FETUB: variants seen among roughly 807,000 people sequenced by gnomAD.
FETUB encodes the protein fetuin-B.
A neutral mutation model predicts 30.9 loss-of-function variants in FETUB; 28 were observed. The observed-to-expected ratio is 0.90, with a 90% CI of 0.67 to 1.24. FETUB has a LOEUF of 1.24. Among genes scored for constraint, FETUB ranks in the 50% most tolerant of loss-of-function variants. The pLI, the probability that FETUB is intolerant of heterozygous loss-of-function variation, is 0.00. For missense variants in FETUB, 469 were observed against 455.3 expected, an observed-to-expected ratio of 1.03 and a Z score of -0.27; for synonymous variants, 186 against 175.9, an observed-to-expected ratio of 1.06 and a Z score of -0.45.
intron 3 of FETUB, among the ~76,000 whole-genome samples, chr3:186,643,230 C>T (rs1423601475): frequency 6.6e-6 from 1 of 152,158 alleles, no homozygotes; most frequent in African/African-American, 2.4e-5. Flanking sequence ...CCTCAGTTCC[C>T]ACCAAGTAGA....
intron 1 of FETUB, 140 bp from the exon 2 acceptor site, chr3:186,640,890 C>G: frequency 1.5e-6 from 1 of 674,732 alleles, no homozygotes; most frequent in Non-Finnish European, 2.6e-6. Flanking sequence ...TACTCTGACA[C>G]TTGTGTCAGA....
Position 186,650,180 on chromosome 3 carries a change from G to C in FETUB, c.697-1038G>C, listed in dbSNP as rs897067871. Reference sequence around the variant, plus strand: ...CTTTGTTGGCGGGGGTGGGGGGGGGGGGTAAATCACCAGCTGTGGGATTGC... The same window carrying C: ...CTTTGTTGGCGGGGGTGGGGGGGGGCGGTAAATCACCAGCTGTGGGATTGC... On this transcript the variant is annotated intron_variant, in intron 5 of 6. Transcript: ENST00000265029. 1.7e-3 allele frequency among the ~76,000 whole-genome samples: 148 copies of C among 85,770 alleles called. 1 individual carries two copies. The highest frequency in any genetic ancestry group is 5.8e-3 in the African/African-American group (137 of 23,726). The allele number at this position is 85,770 out of a possible 152,430, so 56.3% of individuals were successfully genotyped here.
At chr3:186,638,645 T>A (rs1036997228), upstream of FETUB, among the ~76,000 whole-genome samples, 3 of 152,200 alleles carry the variant, frequency 2.0e-5, no homozygotes, top group Non-Finnish European at 2.9e-5. Context: ...ACGATTTCCA[T>A]GTTATTGGAT....
upstream of FETUB, chr3:186,640,373 C>T (rs1452526264): frequency 2.7e-5 from 27 of 1,002,754 alleles, no homozygotes; most frequent in East Asian, 4.8e-5. Flanking sequence ...GTAACAAAAC[C>T]GCTCAAGTCT....
Position 186,651,202 on chromosome 3 carries a change from G to A in FETUB, c.697-16G>A. 6.4e-7 allele frequency: 1 copy of A among 1,574,510 alleles called. No homozygotes were observed. Among genetic ancestry groups the A allele is most frequent in the South Asian group, 1.1e-5 (1 of 90,138 alleles). On this transcript the variant is annotated splice_polypyrimidine_tract_variant and intron_variant, in intron 5 of 6. Coordinates refer to ENST00000265029, the MANE Select transcript of FETUB (RefSeq NM_014375.3). Reference sequence around the variant, plus strand: ...TCACTGGTAATACTCACATGACATTGTATTTTCTCTTTTAGCCTGTTGGTC... The same window carrying A: ...TCACTGGTAATACTCACATGACATTATATTTTCTCTTTTAGCCTGTTGGTC...
chr3:186,641,208 G>C, intron 2 of FETUB, 68 bp downstream of exon 2: 1 of 901,064 alleles, frequency 1.1e-6, no homozygotes, highest in East Asian at 2.6e-5. Context: ...CTTTCTACAG[G>C]GTCAAGGGTG....
chr3:186,642,996 C>T (rs1424261558), intron 3 of FETUB, among the ~76,000 whole-genome samples: 2 of 152,170 alleles, frequency 1.3e-5, no homozygotes, highest in South Asian at 2.1e-4. Flanking sequence ...CATGCCCTCC[C>T]CTGATGACCT....
At position 186,644,800 on chromosome 3, in the gene FETUB, A is replaced by G; in HGVS notation, c.474A>G (p.Ile158Met). ...YMTCPDCPSS[I>M]PTDSSNHQVL... ...CGTGCCCTGACTGCCCAAGCTCCAT[A>G]CCCACTGACTCTTCCAATCACCAAG... The change falls in exon 4 of 7, where the codon ATA becomes ATG. Residue 158 changes from isoleucine to methionine, a missense_variant. By Grantham distance (10) the Ile-to-Met change is conservative. Transcript: ENST00000265029. 2 of 1,613,736 alleles carry G rather than the reference A, an allele frequency of 1.2e-6. No individual in the cohort carries two copies. The highest frequency in any genetic ancestry group is 1.7e-6 in the Non-Finnish European group (2 of 1,179,898).
upstream of FETUB, among the ~76,000 whole-genome samples, chr3:186,639,333 C>T (rs931323588): frequency 1.3e-5 from 2 of 152,146 alleles, no homozygotes; most frequent in Non-Finnish European, 1.5e-5. Flanking sequence ...CAATAGCCAC[C>T]ACTGTGTACC....
chr3:186,640,574 C>G lies in FETUB; in HGVS notation c.114C>G (p.Asp38Glu). 1 of 1,613,250 alleles carries G rather than the reference C, an allele frequency of 6.2e-7. No homozygotes were observed. The highest frequency in any genetic ancestry group is 1.3e-5 in the African/African-American group (1 of 75,046). The stretch of plus-strand genomic sequence containing the variant: ...CTCTGCTCTCCCGGGGCTGCAATGA[C>G]TCAGATGTGCTGGCAGTTGCAGGCT... ...PSALLSRGCN[D>E]SDVLAVAGFA... The change falls in exon 1 of 7, where the codon GAC (aspartate) becomes GAG (glutamate). Residue 38 changes from aspartate (D) to glutamate (E), a missense_variant. Coordinates refer to ENST00000265029, the MANE Select transcript of FETUB (RefSeq NM_014375.3).
chr3:186,645,015 T>C, intron 4 of FETUB, 95 bp downstream of exon 4: 1 of 1,010,536 alleles, frequency 9.9e-7, no homozygotes, highest in South Asian at 1.8e-5. Context: ...GGCACTCATT[T>C]TGATTAGAAC....
In FETUB at chr3:186,652,389, T is replaced by A. The variant is rs2108552416; in HGVS notation, c.907T>A (p.Ser303Thr). The change falls in exon 7 of 7, where the codon TCT becomes ACT. Residue 303 changes from serine (S) to threonine (T), a missense_variant. By Grantham distance (58) the Ser-to-Thr change is moderately conservative. Transcript: ENST00000265029. The part of the protein sequence containing the change: ...DSPSKAGPRG[S>T]VQYLPDLDDK... ...CCCCTCCAAAGCTGGGCCAAGAGGA[T>A]CTGTCCAATATCTTCCTGACTTGGA... 1.3e-6 allele frequency: 2 copies of A among 1,592,508 alleles called. No individual in the cohort carries two copies. Among genetic ancestry groups the A allele is most frequent in the Non-Finnish European group, 1.7e-6 (2 of 1,167,090 alleles).
At position 186,642,475 on chromosome 3, in the gene FETUB, AT is replaced by A; in HGVS notation, c.342del (p.Tyr114Ter). On this transcript the variant is annotated frameshift_variant, in exon 3 of 7. Coordinates refer to ENST00000265029, the MANE Select transcript of FETUB (RefSeq NM_014375.3). LOFTEE classifies it high-confidence loss of function. ...CGMRIFFESV[Y>X]GQCKAIFYMN... The stretch of plus-strand genomic sequence containing the variant: ...AAATGCATTTGTTGGTTTCAGGTTT[AT>A]GGTCAATGCAAAGCAATATTTTATA... 1 of 1,590,496 alleles carries A rather than the reference AT, an allele frequency of 6.3e-7. No homozygotes were observed. Among genetic ancestry groups the A allele is most frequent in the Non-Finnish European group, 8.6e-7 (1 of 1,160,260 alleles).
Position 186,648,535 on chromosome 3 carries a change from C to T in FETUB, c.696+2186C>T, listed in dbSNP as rs1445680665. ...TTGTCAATTTCTATTTTTAAAAAGG[C>T]AGTTGGAAATTTGATACATTTGATT... is the stretch of plus-strand genomic sequence containing the variant. On this transcript the variant is annotated intron_variant, in intron 5 of 6. Transcript: ENST00000265029. 5.3e-5 allele frequency among the ~76,000 whole-genome samples: 8 copies of T among 152,140 alleles called. No individual in the cohort carries two copies. The South Asian group carries it at 1.0e-3, about 20-fold the overall frequency.
intron 2 of FETUB, 172 bp from the exon 3 acceptor site, chr3:186,642,299 G>A: frequency 1.7e-6 from 1 of 583,806 alleles, no homozygotes; most frequent in East Asian, 2.9e-5. Flanking sequence ...TGTGTCCTAG[G>A]GAAAGGTTAA....
upstream of FETUB, among the ~76,000 whole-genome samples, chr3:186,639,177 A>G (rs2108511901): frequency 6.6e-6 from 1 of 152,334 alleles, no homozygotes; most frequent in African/African-American, 2.4e-5. Flanking sequence ...ACATCATAAC[A>G]TGGTGGAAGG....
At chr3:186,644,708 A>G in intron 3 of FETUB, 43 bp from the exon 4 acceptor site, 1 of 1,491,478 alleles carries the variant, frequency 6.7e-7, no homozygotes, top group Non-Finnish European at 9.1e-7. Context: ...TGATTTATTG[A>G]AAATTAATAG....
Position 186,652,626 on chromosome 3 carries a change from C to T in FETUB, c.1144C>T (p.Pro382Ser). ...AQNASPLVLP[P>S] ...GAATGCCAGCCCTCTTGTCCTTCCG[C>T]CATGAGAATCACACAGAGTCTTCTG... Residue 382 changes from proline (P) to serine (S), a missense_variant, in exon 7 of 7, where the codon CCA becomes TCA. By Grantham distance (74) the Pro-to-Ser change is moderately conservative (BLOSUM62 -1). Coordinates refer to ENST00000265029, the MANE Select transcript of FETUB (RefSeq NM_014375.3). 1.2e-6 allele frequency: 2 copies of T among 1,601,818 alleles called. No homozygotes were observed. The highest frequency in any genetic ancestry group is 8.5e-7 in the Non-Finnish European group (1 of 1,175,556).
At chr3:186,649,531 G>A (rs1226312957) in intron 5 of FETUB, among the ~76,000 whole-genome samples, 4 of 152,012 alleles carry the variant, frequency 2.6e-5, no homozygotes, top group African/African-American at 4.8e-5. Context: ...GTACAGTGGC[G>A]CAATCTCAGC....
Sources: allele counts gnomAD v4.1 joint callset (sites outside exome capture counted in the v4.1 genomes callset), GRCh38; gene constraint gnomAD v4.1.1; transcripts MANE v1.5; gene names NCBI Gene and HGNC (gene_info 2026-07-23, HGNC 2026-07-21).